Variants in ANKRD33B observed in about 807,000 individuals in gnomAD.
ANKRD33B encodes ankyrin repeat domain 33B, also known as ankyrin repeat domain-containing protein 33B.
A neutral mutation model predicts 21.5 loss-of-function variants in ANKRD33B; 6 were observed. That is an observed-to-expected ratio of 0.28 (90% CI 0.15 to 0.55). The LOEUF (loss-of-function observed/expected upper bound fraction) is 0.55, where lower values mean the gene tolerates loss of function less well. Ranked by LOEUF, ANKRD33B falls within the 20% of genes least tolerant of loss-of-function variation. The pLI is 0.94. For synonymous variants in ANKRD33B, 347 were observed against 342.4 expected, an observed-to-expected ratio of 1.01 and a Z score of -0.15; for missense variants, 698 against 747.2, an observed-to-expected ratio of 0.93 and a Z score of 0.77.
intron 2 of ANKRD33B, among the ~76,000 whole-genome samples, chr5:10,630,750 A>AG (rs1308342667): frequency 1.3e-5 from 2 of 152,120 alleles, no homozygotes. Context: ...GCTCATGCCT[A>AG]GAATCCCAGC....
At chr5:10,638,956 G>A (rs1473749789) in intron 3 of ANKRD33B, among the ~76,000 whole-genome samples, 2 of 110,554 alleles carry the variant, frequency 1.8e-5, no homozygotes, top group African/African-American at 3.1e-5. Context: ...CGGGTGACGC[G>A]GAGTTGCACG....
Position 10,653,271 on chromosome 5 carries a change from T to G in ANKRD33B, c.*3158T>G, listed in dbSNP as rs2126615289. Reference sequence around the variant, plus strand: ...CTCATTTTTGCCATGTGGAAGCAGATTTGCTAGTAGAGGAATTTTCCAAGT... The same window carrying G: ...CTCATTTTTGCCATGTGGAAGCAGAGTTGCTAGTAGAGGAATTTTCCAAGT... On this transcript the variant is annotated 3_prime_UTR_variant, in exon 4 of 4. Transcript: ENST00000296657. 6.6e-6 allele frequency: 1 copy of G among 152,454 alleles called. No individual in the cohort carries two copies. Among genetic ancestry groups the G allele is most frequent in the South Asian group, 2.1e-4 (1 of 4,838 alleles). 9.4% of individuals were successfully genotyped at this position (152,454 alleles called of 1,614,324 possible).
At chr5:10,593,017 A>G (rs1322379718) in intron 1 of ANKRD33B, among the ~76,000 whole-genome samples, 4 of 152,168 alleles carry the variant, frequency 2.6e-5, no homozygotes, top group African/African-American at 9.7e-5. Context: ...TCTGTTAGGT[A>G]AGGACCTTCC....
intron 1 of ANKRD33B, among the ~76,000 whole-genome samples, chr5:10,590,339 A>T (rs1415990930): frequency 2.0e-5 from 3 of 152,230 alleles, no homozygotes; most frequent in Non-Finnish European, 4.4e-5. Context: ...TGCTTCTGGC[A>T]GACAGAGTGG....
intron 1 of ANKRD33B, among the ~76,000 whole-genome samples, chr5:10,591,692 TTATG>T (rs748797607): frequency 1.3e-5 from 2 of 152,312 alleles, no homozygotes; most frequent in Admixed American, 6.5e-5. Context: ...ACTAGTAAGA[TTATG>T]TATATTTTAC....
At position 10,570,569 on chromosome 5, in the gene ANKRD33B, T is replaced by G. The variant is rs113879339; in HGVS notation, c.366+5736T>G. Among the ~76,000 whole-genome samples the G allele has an allele frequency of 4.0e-3, 607 of 152,254 alleles. 5 individuals carry two copies. Among genetic ancestry groups the G allele is most frequent in the African/African-American group, 0.014 (577 of 41,554 alleles). ...TATTGCTTCTTTATTTTATTTTATA[T>G]TATTTTGAGATAGAGTCTCACTCTG... On this transcript the variant is annotated intron_variant, in intron 1 of 3. Transcript: ENST00000296657.
intron 3 of ANKRD33B, among the ~76,000 whole-genome samples, chr5:10,643,769 G>A (rs1330436198): frequency 2.9e-5 from 4 of 139,968 alleles, no homozygotes; most frequent in African/African-American, 8.0e-5. Flanking sequence ...GCAGTGAGCC[G>A]ATATCATGCC....
At chr5:10,575,978 T>TACAC (rs60058725) in intron 1 of ANKRD33B, among the ~76,000 whole-genome samples, 172 of 150,064 alleles carry the variant, frequency 1.1e-3, no homozygotes, top group Middle Eastern at 6.9e-3. Flanking sequence ...GATGGACGTA[T>TACAC]ACACACACAC....
intron 2 of ANKRD33B, among the ~76,000 whole-genome samples, chr5:10,622,803 A>AT (rs1491027365): frequency 1.5e-5 from 1 of 64,956 alleles, no homozygotes; most frequent in South Asian, 7.9e-4. Context: ...GCTTTATTTT[A>AT]TTTTATTTTT....
intron 2 of ANKRD33B, among the ~76,000 whole-genome samples, chr5:10,632,350 A>G (rs1396787602): frequency 6.6e-6 from 1 of 151,990 alleles, no homozygotes; most frequent in Non-Finnish European, 1.5e-5. Flanking sequence ...GGAAGAGTCA[A>G]CCGGGAAGCA....
At chr5:10,623,521 G>A (rs541430880) in intron 2 of ANKRD33B, among the ~76,000 whole-genome samples, 23 of 152,316 alleles carry the variant, frequency 1.5e-4, no homozygotes, top group African/African-American at 4.6e-4. Context: ...GGACCCCTCC[G>A]TCAGGACCTA....
chr5:10,644,558 C>A (rs922482628), intron 3 of ANKRD33B, among the ~76,000 whole-genome samples: 8 of 152,262 alleles, frequency 5.3e-5, no homozygotes, highest in Admixed American at 4.6e-4. Flanking sequence ...TTCCAAGGCG[C>A]AAAGTGGATT....
At position 10,657,263 on chromosome 5, in the gene ANKRD33B, T is replaced by C. The variant is rs1286281218; in HGVS notation, c.*7150T>C. On this transcript the variant is annotated 3_prime_UTR_variant, in exon 4 of 4. Transcript: ENST00000296657. Reference sequence around the variant, plus strand: ...AGATGAACATTAAAAGCCAATGTACTGGAATTCTCTTTGTTCTGCCCGACA... The same window carrying C: ...AGATGAACATTAAAAGCCAATGTACCGGAATTCTCTTTGTTCTGCCCGACA... The C allele has an allele frequency of 6.6e-6, 1 of 152,386 alleles. No homozygotes were observed. Among genetic ancestry groups the C allele is most frequent in the African/African-American group, 2.4e-5 (1 of 41,462 alleles). 9.4% of individuals were successfully genotyped at this position (152,386 alleles called of 1,614,324 possible). A position where few individuals can be genotyped will look rare whatever the true frequency, so the allele number is the denominator to read the frequency against.
chr5:10,568,404 C>G (rs1735104796), intron 1 of ANKRD33B, among the ~76,000 whole-genome samples: 1 of 152,250 alleles, frequency 6.6e-6, no homozygotes, highest in South Asian at 2.1e-4. Context: ...AGTGAAAACA[C>G]ACAAAGTGTG....
At chr5:10,610,130 G>C (rs1214763378) in intron 1 of ANKRD33B, among the ~76,000 whole-genome samples, 1 of 152,210 alleles carries the variant, frequency 6.6e-6, no homozygotes, top group Non-Finnish European at 1.5e-5. Context: ...AAAATGCAAA[G>C]GTATTGGGAA....
At chr5:10,643,735 G>A (rs188367183) in intron 3 of ANKRD33B, among the ~76,000 whole-genome samples, 3 of 148,628 alleles carry the variant, frequency 2.0e-5, no homozygotes, top group Non-Finnish European at 4.4e-5. Context: ...CAAGAGAATC[G>A]CTTGAACCTA....
At chr5:10,629,805 C>G (rs748935333) in intron 2 of ANKRD33B, among the ~76,000 whole-genome samples, 1 of 152,108 alleles carries the variant, frequency 6.6e-6, no homozygotes, top group African/African-American at 2.4e-5. Flanking sequence ...GGGTGAGCAT[C>G]TGCATGTCCA....
At position 10,619,943 on chromosome 5, in the gene ANKRD33B, G is replaced by A. The variant is rs11748380; in HGVS notation, c.496+1481G>A. 0.24 allele frequency among the ~76,000 whole-genome samples: 36,341 copies of A among 152,072 alleles called. 4,773 individuals carry two copies. The highest frequency in any genetic ancestry group is 0.45 in the East Asian group (2,339 of 5,166). ...AGTTCATGATAAGGTCTTGCAAGAA[G>A]GGGATTTGAGCTGGGGCTGAGAGGG... On this transcript the variant is annotated intron_variant, in intron 2 of 3. Coordinates refer to ENST00000296657, the MANE Select transcript of ANKRD33B (RefSeq NM_001164440.2). This position sits in a 1 kb window ranked among gnomAD's most constrained non-coding sequence, Gnocchi z 4.5.
intron 2 of ANKRD33B, chr5:10,624,838 G>T (rs999842371): frequency 1.8e-5 from 8 of 456,640 alleles, no homozygotes; most frequent in South Asian, 6.2e-5. Context: ...CAGATCTGGT[G>T]GAAACACAGA....
Sources: allele counts gnomAD v4.1 joint callset (sites outside exome capture counted in the v4.1 genomes callset), GRCh38; gene constraint gnomAD v4.1.1; non-coding constraint Gnocchi (gnomAD v3.1); transcripts MANE v1.5; gene names NCBI Gene and HGNC (gene_info 2026-07-23, HGNC 2026-07-21).